Variants in STK3 observed in about 807,000 individuals in gnomAD.
The protein encoded by STK3 is serine/threonine-protein kinase 3.
A neutral mutation model predicts 58.0 loss-of-function variants in STK3; 41 were observed. The observed-to-expected ratio is 0.71, with a 90% CI of 0.55 to 0.92. STK3 has a LOEUF of 0.92. Ranked by LOEUF, STK3 falls within the 40% of genes least tolerant of loss-of-function variation. The probability of loss-of-function intolerance (pLI) is 0.00; values close to 1 mark genes in which losing one functional copy is unlikely to be tolerated. For missense variants in STK3, 479 were observed against 602.7 expected (o/e 0.79, Z 2.15); for synonymous variants, 170 against 191.0 (o/e 0.89, Z 0.91).
intron 3 of STK3, among the ~76,000 whole-genome samples, chr8:98,405,944 A>G (rs1434528021): frequency 6.6e-6 from 1 of 152,144 alleles, no homozygotes; most frequent in Non-Finnish European, 1.5e-5. Flanking sequence ...CCCACAACAC[A>G]TGGGAATTCA....
At chr8:98,575,560 G>A (rs1159221836) in intron 8 of STK3, among the ~76,000 whole-genome samples, 1 of 151,194 alleles carries the variant, frequency 6.6e-6, no homozygotes, top group East Asian at 1.9e-4. Context: ...ACTGGGCCCT[G>A]TCCTGGTCTC....
intron 1 of STK3, among the ~76,000 whole-genome samples, chr8:98,914,444 G>C (rs915344412): frequency 1.3e-5 from 2 of 150,226 alleles, no homozygotes; most frequent in African/African-American, 5.0e-5. Context: ...AGCTACACTT[G>C]TGTGCAAGCA....
chr8:98,754,602 T>C (rs999725073), intron 3 of STK3, among the ~76,000 whole-genome samples: 4 of 152,008 alleles, frequency 2.6e-5, no homozygotes, highest in African/African-American at 9.7e-5. Flanking sequence ...GTCTGCCTCC[T>C]GGGTTCGAGT....
intron 3 of STK3, among the ~76,000 whole-genome samples, chr8:98,423,646 G>A (rs980537800): frequency 9.2e-5 from 14 of 152,354 alleles, no homozygotes; most frequent in African/African-American, 3.4e-4. Context: ...GAACTGTCCA[G>A]TCCTTCAGGG....
chr8:98,941,480 T>C (rs539288288), intron 1 of STK3, among the ~76,000 whole-genome samples: 1 of 152,216 alleles, frequency 6.6e-6, no homozygotes, highest in Admixed American at 6.5e-5. Flanking sequence ...TCCCCGGAGG[T>C]AGTGGCTGGG....
At chr8:98,897,417 G>A (rs1340810242) in intron 1 of STK3, among the ~76,000 whole-genome samples, 2 of 152,036 alleles carry the variant, frequency 1.3e-5, no homozygotes, top group African/African-American at 2.4e-5. Context: ...AAAATTAACC[G>A]GGCGTGGTCA....
intron 6 of STK3, among the ~76,000 whole-genome samples, chr8:98,664,484 T>C (rs1822191859): frequency 6.6e-6 from 1 of 152,334 alleles, no homozygotes; most frequent in East Asian, 1.9e-4. Flanking sequence ...TACAGACTAA[T>C]AATACTATTG....
intron 6 of STK3, among the ~76,000 whole-genome samples, chr8:98,665,700 C>A (rs947125642): frequency 6.8e-6 from 1 of 147,576 alleles, no homozygotes; most frequent in Admixed American, 7.1e-5. Flanking sequence ...ACCCAGTACC[C>A]ATCCTGATTT....
chr8:98,710,920 C>T (rs547966337), intron 4 of STK3, among the ~76,000 whole-genome samples: 267 of 152,288 alleles, frequency 1.8e-3, no homozygotes, highest in African/African-American at 5.9e-3. Context: ...TCACACAGCC[C>T]GGTACTCCTC....
chr8:98,743,962 C>CA (rs1286463716), intron 4 of STK3, among the ~76,000 whole-genome samples: 2 of 152,018 alleles, frequency 1.3e-5, no homozygotes, highest in Non-Finnish European at 2.9e-5. Context: ...TTTATGCAGC[C>CA]AAAAAACACA....
At chr8:98,854,534 C>T (rs1036057643) in intron 3 of STK3, among the ~76,000 whole-genome samples, 2 of 152,072 alleles carry the variant, frequency 1.3e-5, no homozygotes, top group Non-Finnish European at 2.9e-5. Context: ...AGCAATGCTG[C>T]AGGATACAAG....
At chr8:98,834,637 T>TC (rs1265922125) in intron 3 of STK3, among the ~76,000 whole-genome samples, 2 of 152,208 alleles carry the variant, frequency 1.3e-5, no homozygotes, top group African/African-American at 4.8e-5. Context: ...ACAGCCATTT[T>TC]CCCCCGTGTC....
chr8:98,414,689 C>T (rs1377919998), intron 3 of STK3, among the ~76,000 whole-genome samples: 1 of 152,228 alleles, frequency 6.6e-6, no homozygotes, highest in Non-Finnish European at 1.5e-5. Flanking sequence ...ATAAATTTCC[C>T]AGCCTCCCTT....
chr8:98,704,462 A>G (rs1825826136), intron 6 of STK3, among the ~76,000 whole-genome samples: 1 of 152,184 alleles, frequency 6.6e-6, no homozygotes, highest in African/African-American at 2.4e-5. Flanking sequence ...TATATACAAA[A>G]TATGAGGAAA....
chr8:98,619,990 C>G (rs1030409900), intron 6 of STK3, among the ~76,000 whole-genome samples: 1 of 102,320 alleles, frequency 9.8e-6, no homozygotes, highest in African/African-American at 4.0e-5. Flanking sequence ...GACTATAAAT[C>G]ATGCTGCTAT....
chr8:98,893,474 G>A (rs1407656946), intron 1 of STK3, among the ~76,000 whole-genome samples: 1 of 65,248 alleles, frequency 1.5e-5, no homozygotes, highest in Non-Finnish European at 2.8e-5. Flanking sequence ...AAGAAAGAAA[G>A]AAAGAAAGAA....
chr8:98,409,553 T>A (rs1410982058), intron 3 of STK3, among the ~76,000 whole-genome samples: 1 of 152,238 alleles, frequency 6.6e-6, no homozygotes, highest in Admixed American at 6.5e-5. Flanking sequence ...ACAGATGGGC[T>A]ATCAGTTCAA....
At chr8:98,824,388 T>G (rs912357049) in intron 1 of STK3, among the ~76,000 whole-genome samples, 10 of 152,206 alleles carry the variant, frequency 6.6e-5, no homozygotes, top group African/African-American at 2.4e-4. Flanking sequence ...GAGCTGCACT[T>G]CAATTCAGAG....
At chr8:98,902,463 G>A (rs534387631) in intron 1 of STK3, among the ~76,000 whole-genome samples, 53 of 152,222 alleles carry the variant, frequency 3.5e-4, no homozygotes, top group Admixed American at 1.1e-3. Context: ...AAATCTCAGC[G>A]ATTCCTATCT....
Sources: allele counts gnomAD v4.1 joint callset (sites outside exome capture counted in the v4.1 genomes callset), GRCh38; gene constraint gnomAD v4.1.1; transcripts MANE v1.5; gene names NCBI Gene and HGNC (gene_info 2026-07-23, HGNC 2026-07-21).